Variants in OGG1 observed in about 807,000 individuals in gnomAD.
OGG1 encodes N-glycosylase/DNA lyase.
Under a neutral mutation model 42.3 loss-of-function variants are expected in OGG1, and 35 were observed. The ratio of observed to expected loss-of-function variants is 0.83; its 90% confidence interval spans 0.63 to 1.10. The LOEUF (loss-of-function observed/expected upper bound fraction) is 1.10. OGG1 is among the 50% of genes least tolerant of loss of function. The probability of loss-of-function intolerance (pLI) is 0.00; values close to 1 mark genes in which losing one functional copy is unlikely to be tolerated. For synonymous variants in OGG1, 189 were observed against 179.0 expected, an observed-to-expected ratio of 1.06 and a Z score of -0.44; for missense variants, 484 against 446.7, an observed-to-expected ratio of 1.08 and a Z score of -0.75.
rs2077275884 is a variant in OGG1 at position 9,751,011 on chromosome 3, G to A, written c.204G>A (p.Gln68=). ...VLADQVWTLT[Q]TEEQLHCTVY... is the part of the protein sequence containing the mutation. ...CGGATCAAGTATGGACACTGACTCA[G>A]ACTGAGGAGCAGCTCCACTGCACTG... The change falls in exon 2 of 7, where the codon CAG becomes CAA. Residue 68 remains glutamine, a synonymous_variant. Transcript: ENST00000344629. The A allele has an allele frequency of 6.2e-7, 1 of 1,614,040 alleles. No individual in the cohort carries two copies.
At chr3:9,772,013 T>TC (rs2078308532) in intron 2 of OGG1, among the ~76,000 whole-genome samples, 1 of 151,948 alleles carries the variant, frequency 6.6e-6, no homozygotes, top group Non-Finnish European at 1.5e-5. Flanking sequence ...GATGGGGGTT[T>TC]CACCATGTTG....
intron 2 of OGG1, among the ~76,000 whole-genome samples, chr3:9,776,240 C>T (rs2078361808): frequency 6.6e-6 from 1 of 152,128 alleles, no homozygotes; most frequent in Non-Finnish European, 1.5e-5. Flanking sequence ...TGCCTTGCTC[C>T]TTTTGTCTGG....
At chr3:9,765,887 C>A in exon 8 of OGG1, 3 of 1,614,148 alleles carry the variant, frequency 1.9e-6, no homozygotes, top group East Asian at 2.2e-5. Flanking sequence ...CCGAGAAGGC[C>A]CCCCTATCGG....
chr3:9,751,256 T>C, intron 2 of OGG1, 64 bp downstream of exon 2: 1 of 1,552,062 alleles, frequency 6.4e-7, no homozygotes, highest in Non-Finnish European at 8.8e-7. Context: ...TATGACTCAG[T>C]TTTGCCACCT....
At chr3:9,775,006 T>A (rs1397587747) in intron 2 of OGG1, among the ~76,000 whole-genome samples, 1 of 151,770 alleles carries the variant, frequency 6.6e-6, no homozygotes, top group African/African-American at 2.4e-5. Context: ...TCCCAGCACT[T>A]TGGGAGGCCG....
At chr3:9,757,963 T>C (rs940807169), downstream of OGG1, 6 of 1,472,006 alleles carry the variant, frequency 4.1e-6, no homozygotes, top group Admixed American at 2.6e-5. The surrounding 1 kb of genome is among the most constrained non-coding windows in gnomAD (Gnocchi z 4.5). Flanking sequence ...TCAGGAGTTA[T>C]TTTATTAATT....
downstream of OGG1, among the ~76,000 whole-genome samples, chr3:9,769,446 G>A (rs1325201235): frequency 2.0e-5 from 3 of 151,898 alleles, no homozygotes; most frequent in South Asian, 2.1e-4. Context: ...CACAAAACAC[G>A]TGGACACCCC....
intron 3 of OGG1, chr3:9,783,996 C>A: frequency 6.3e-7 from 1 of 1,598,688 alleles, no homozygotes; most frequent in Non-Finnish European, 8.6e-7. Context: ...TCCAAGGCCA[C>A]CCCCGGGACT....
At chr3:9,760,678 G>A, downstream of OGG1, 1 of 1,614,088 alleles carries the variant, frequency 6.2e-7, no homozygotes, top group South Asian at 1.1e-5. Flanking sequence ...TGTCGTCCCA[G>A]TAAGGAGAGT....
At chr3:9,787,129 G>T (rs747526149) in intron 3 of OGG1, 2 of 1,614,192 alleles carry the variant, frequency 1.2e-6, no homozygotes, top group African/African-American at 2.7e-5. Context: ...CACAGGAAAG[G>T]AGGGGAGGTG....
At chr3:9,757,554 C>A (rs762718323), downstream of OGG1, 1 of 1,613,668 alleles carries the variant, frequency 6.2e-7, no homozygotes, top group South Asian at 1.1e-5. This position sits in a 1 kb window ranked among gnomAD's most constrained non-coding sequence, Gnocchi z 4.5. Context: ...GCTGGTGGGG[C>A]AGTGTGGGGG....
downstream of OGG1, chr3:9,789,735 G>C (rs2078693703): frequency 3.1e-6 from 5 of 1,613,336 alleles, no homozygotes; most frequent in Non-Finnish European, 4.2e-6. Context: ...TCATTTTTGG[G>C]GATCCGTGGC....
intron 3 of OGG1, chr3:9,787,085 G>T (rs1243428966): frequency 6.2e-7 from 1 of 1,614,248 alleles, no homozygotes; most frequent in South Asian, 1.1e-5. Context: ...CTGGGCCTCA[G>T]ACTTCTTCAG....
chr3:9,790,158 C>A (rs180856503), downstream of OGG1, among the ~76,000 whole-genome samples: 1 of 152,296 alleles, frequency 6.6e-6, no homozygotes, highest in Admixed American at 6.5e-5. Context: ...GAACTTTATT[C>A]ATATACTTCT....
intron 3 of OGG1, chr3:9,785,418 A>T: frequency 6.2e-7 from 1 of 1,611,938 alleles, no homozygotes; most frequent in Non-Finnish European, 8.5e-7. Context: ...AGGGGAAATA[A>T]TATTTTCCTA....
At chr3:9,763,857 A>G (rs557302244) in intron 7 of OGG1, among the ~76,000 whole-genome samples, 114 of 152,298 alleles carry the variant, frequency 7.5e-4, no homozygotes, top group Admixed American at 1.2e-3. Context: ...ATGGTGGCAC[A>G]TGCCTGTAAT....
downstream of OGG1, chr3:9,789,544 G>A (rs1559720807): frequency 5.0e-6 from 8 of 1,614,054 alleles, no homozygotes; most frequent in Non-Finnish European, 6.8e-6. Flanking sequence ...GGGGGCTTCA[G>A]TAACTCCTCA....
Position 9,787,678 on chromosome 3 carries a change from A to AC in OGG1, c.383-48dup. 7 of 1,352,952 alleles carry AC rather than the reference A, an allele frequency of 5.2e-6. No homozygotes were observed. In the South Asian group the frequency reaches 8.6e-5, roughly 17 times the overall value. The allele number at this position is 1,352,952 out of a possible 1,614,324, so 83.8% of individuals were successfully genotyped here. A position where few individuals can be genotyped will look rare whatever the true frequency, so the allele number is the denominator to read the frequency against. On this transcript the variant is annotated intron_variant, in intron 3 of 3. Transcript: ENST00000426518. ...TTCAGGTCACGGGTGACAGGGAATT[A>AC]CCTTTTGTATTGCTTGAATTTACTG... is the stretch of plus-strand genomic sequence containing the variant.
chr3:9,750,234 G>A lies in OGG1; in HGVS notation c.-53G>A, dbSNP rs56387615. On this transcript the variant is annotated 5_prime_UTR_variant, in exon 1 of 7. Transcript: ENST00000344629. ...CTGGGCGGGGTCTTTGGGCGTCGAC[G>A]AGGCCTGGTTCTGGGTAGGCGGGGC... 1.3e-6 allele frequency: 2 copies of A among 1,575,464 alleles called. No homozygotes were observed. Among genetic ancestry groups the A allele is most frequent in the East Asian group, 4.5e-5 (2 of 44,474 alleles).
Sources: allele counts gnomAD v4.1 joint callset (sites outside exome capture counted in the v4.1 genomes callset), GRCh38; gene constraint gnomAD v4.1.1; non-coding constraint Gnocchi (gnomAD v3.1); transcripts MANE v1.5; gene names NCBI Gene and HGNC (gene_info 2026-07-23, HGNC 2026-07-21).